GPM6B: variants seen among roughly 807,000 people sequenced by gnomAD.
GPM6B encodes neuronal membrane glycoprotein M6-b.
Under a neutral mutation model 27.2 loss-of-function variants are expected in GPM6B, and 4 were observed. The ratio of observed to expected loss-of-function variants is 0.15; its 90% CI spans 0.07 to 0.34. The LOEUF (loss-of-function observed/expected upper bound fraction) is 0.34. GPM6B is among the 10% of genes least tolerant of loss of function. GPM6B has a pLI of 1.00. For synonymous variants in GPM6B, 124 were observed against 103.1 expected (o/e 1.20, Z -1.23); for missense variants, 183 against 261.9 (o/e 0.70, Z 2.08).
At chrX:13,857,077 T>C (rs1293617996) in intron 1 of GPM6B, among the ~76,000 whole-genome samples, 1 of 111,618 alleles carries the variant, frequency 9.0e-6, no homozygotes, top group East Asian at 2.8e-4. Flanking sequence ...TCTGCTTCCA[T>C]CCTCACATCT....
intron 1 of GPM6B, among the ~76,000 whole-genome samples, chrX:13,919,368 A>C (rs771256040): frequency 1.8e-5 from 2 of 112,357 alleles, no homozygotes; most frequent in Non-Finnish European, 3.8e-5. Context: ...ATTTTAAATA[A>C]TGTTCATGAA....
At chrX:13,821,682 C>T (rs560951697), upstream of GPM6B, among the ~76,000 whole-genome samples, 64 of 111,558 alleles carry the variant, frequency 5.7e-4, no homozygotes, top group African/African-American at 1.6e-3. Flanking sequence ...CTGCAACCTC[C>T]GCCTCCCGGG....
intron 1 of GPM6B, among the ~76,000 whole-genome samples, chrX:13,846,378 T>G (rs1321828983): frequency 9.1e-6 from 1 of 109,931 alleles, no homozygotes; most frequent in East Asian, 2.8e-4. Flanking sequence ...AAAGGTTGCT[T>G]TATACCCACT....
At chrX:13,797,537 C>A (rs2048839380) in intron 2 of GPM6B, among the ~76,000 whole-genome samples, 1 of 111,092 alleles carries the variant, frequency 9.0e-6, no homozygotes, top group Admixed American at 9.5e-5. Context: ...GGGGAGAAGT[C>A]AGGAAGGTAG....
intron 1 of GPM6B, among the ~76,000 whole-genome samples, chrX:13,902,330 T>C (rs2050289463): frequency 9.3e-6 from 1 of 107,746 alleles, no homozygotes; most frequent in South Asian, 4.0e-4. Context: ...TGGACTGGAT[T>C]TTTTTTTTTT....
At chrX:13,926,985 A>C (rs1439121998) in intron 1 of GPM6B, among the ~76,000 whole-genome samples, 1 of 112,048 alleles carries the variant, frequency 8.9e-6, no homozygotes, top group Non-Finnish European at 1.9e-5. Context: ...CCAAGTTAAA[A>C]GATAAGCCAT....
chrX:13,930,085 G>A (rs1407970693), intron 1 of GPM6B, among the ~76,000 whole-genome samples: 2 of 111,637 alleles, frequency 1.8e-5, no homozygotes, highest in Non-Finnish European at 3.8e-5. Context: ...CAAAGATCAG[G>A]TTTAAATACT....
intron 2 of GPM6B, among the ~76,000 whole-genome samples, chrX:13,792,640 G>A (rs931795829): frequency 4.5e-5 from 5 of 111,943 alleles, no homozygotes; most frequent in African/African-American, 6.5e-5. Flanking sequence ...GGTGGCTCAC[G>A]CCTGTAATCC....
chrX:13,829,426 C>T (rs922552451), intron 1 of GPM6B, among the ~76,000 whole-genome samples: 1 of 111,968 alleles, frequency 8.9e-6, no homozygotes, highest in Non-Finnish European at 1.9e-5. Context: ...TTACAAAATG[C>T]TATTTCTATT....
chrX:13,937,937 C>T (rs1280345979), intron 1 of GPM6B, among the ~76,000 whole-genome samples: 1 of 111,418 alleles, frequency 9.0e-6, no homozygotes, highest in African/African-American at 3.3e-5. Flanking sequence ...ACTCAGCCTC[C>T]GTCCCATGCT....
chrX:13,807,043 G>A (rs739606), intron 2 of GPM6B, among the ~76,000 whole-genome samples: 29,714 of 111,111 alleles, frequency 0.27, 3,285 homozygotes, highest in Middle Eastern at 0.37. Context: ...AGCACCTAGC[G>A]GTTCTGAATG....
At chrX:13,773,123 G>C in intron 7 of GPM6B, 93 bp from the exon 8 acceptor site, 2 of 772,410 alleles carry the variant, frequency 2.6e-6, no homozygotes, top group Non-Finnish European at 3.8e-6. Flanking sequence ...CTTTAAAGGG[G>C]CGAAGGTTAA....
intron 1 of GPM6B, among the ~76,000 whole-genome samples, chrX:13,890,506 T>C (rs1339622575): frequency 8.9e-6 from 1 of 111,778 alleles, no homozygotes; most frequent in Non-Finnish European, 1.9e-5. Context: ...GACCCCTTTG[T>C]TGTAACACTA....
At chrX:13,903,267 A>G (rs1257601890) in intron 1 of GPM6B, among the ~76,000 whole-genome samples, 1 of 111,766 alleles carries the variant, frequency 8.9e-6, no homozygotes, top group Non-Finnish European at 1.9e-5. Context: ...CTCGATTTAT[A>G]CCAGGCTAAC....
intron 2 of GPM6B, among the ~76,000 whole-genome samples, chrX:13,805,946 C>T (rs774807470): frequency 1.7e-3 from 191 of 110,801 alleles, no homozygotes; most frequent in African/African-American, 5.8e-3. Flanking sequence ...CCCCTTTCCC[C>T]GCTCCCCACC....
At chrX:13,904,061 A>G (rs73633583) in intron 1 of GPM6B, among the ~76,000 whole-genome samples, 2,050 of 111,503 alleles carry the variant, frequency 0.018, 48 homozygotes, top group African/African-American at 0.057. Context: ...TTACAGAACA[A>G]TGTTCTTAAA....
chrX:13,916,909 A>G (rs145140797), intron 1 of GPM6B, among the ~76,000 whole-genome samples: 1,442 of 111,513 alleles, frequency 0.013, 7 homozygotes, highest in South Asian at 0.02. Context: ...CACTGTGCCC[A>G]TGAATTATCA....
intron 1 of GPM6B, among the ~76,000 whole-genome samples, chrX:13,823,299 G>A (rs1407312245): frequency 8.9e-6 from 1 of 112,016 alleles, no homozygotes; most frequent in East Asian, 2.8e-4. Flanking sequence ...AGCCCAGGCA[G>A]GTCACTGTCA....
At chrX:13,814,356 GA>G (rs925159601) in intron 1 of GPM6B, among the ~76,000 whole-genome samples, 1 of 110,444 alleles carries the variant, frequency 9.1e-6, no homozygotes, top group Admixed American at 9.6e-5. Context: ...AGAAACACAG[GA>G]AAAAAAATAT....
Sources: gnomAD v4.1 joint callset for allele counts (sites outside exome capture counted in the v4.1 genomes callset) on GRCh38, gnomAD v4.1.1 for gene constraint, MANE v1.5 for transcripts, NCBI Gene and HGNC (gene_info 2026-07-23, HGNC 2026-07-21) for gene names.